Variants in SLC5A3 observed in about 807,000 individuals in gnomAD.
SLC5A3 encodes sodium/myo-inositol cotransporter.
In SLC5A3, 10 loss-of-function variants were observed where a neutral mutation model predicts 43.2. The observed-to-expected ratio is 0.23, with a 90% CI of 0.14 to 0.39. The LOEUF is 0.39. SLC5A3 is among the 10% of genes least tolerant of loss of function. SLC5A3 has a pLI of 1.00. For missense variants in SLC5A3, 608 were observed against 893.4 expected, an observed-to-expected ratio of 0.68 and a Z score of 4.07; for synonymous variants, 349 against 322.0, an observed-to-expected ratio of 1.08 and a Z score of -0.90.
chr21:34,073,770 G>C, intron 1 of SLC5A3, 25 bp downstream of exon 1: 3 of 1,473,560 alleles, frequency 2.0e-6, no homozygotes, highest in Non-Finnish European at 2.7e-6. Flanking sequence ...CTCAGAGCCG[G>C]TCTTCCCGCG....
Position 34,100,919 on chromosome 21 carries a change from G to A in SLC5A3, c.*3564G>A. The A allele has an allele frequency of 1.0e-6, 1 of 1,000,098 alleles. No homozygotes were observed. The highest frequency in any genetic ancestry group is 1.2e-6 in the Non-Finnish European group (1 of 829,926). 62.0% of individuals were successfully genotyped at this position (1,000,098 alleles called of 1,614,324 possible). A position where few individuals can be genotyped will look rare whatever the true frequency, so the allele number is the denominator to read the frequency against. On this transcript the variant is annotated 3_prime_UTR_variant, in exon 2 of 2. Transcript: ENST00000381151. ...CAAAGGTTAGGTCTTCCCTGTTCCT[G>A]CTTGGCAGTGTTAAAGCTTACAGGG...
At chr21:34,088,372 C>T (rs1192082090) in intron 1 of SLC5A3, among the ~76,000 whole-genome samples, 1 of 111,334 alleles carries the variant, frequency 9.0e-6, no homozygotes, top group Non-Finnish European at 1.8e-5. Context: ...CCCATCAGGG[C>T]TTTGCTGTAT....
chr21:34,100,121 T>C lies in SLC5A3; in HGVS notation c.*2766T>C, dbSNP rs1979166824. 1.0e-6 allele frequency: 1 copy of C among 999,308 alleles called. No individual in the cohort carries two copies. The highest frequency in any genetic ancestry group is 1.7e-5 in the African/African-American group (1 of 57,222). 61.9% of individuals were successfully genotyped at this position (999,308 alleles called of 1,614,324 possible). On this transcript the variant is annotated 3_prime_UTR_variant, in exon 2 of 2. Coordinates refer to ENST00000381151, the MANE Select transcript of SLC5A3 (RefSeq NM_006933.7). ...CAAGCTAAGGTTCAGAATTGAAGCT[T>C]GATATTGACTAGAATAGCTAAAAGT...
At chr21:34,075,567 G>GA (rs1486351201) in intron 1 of SLC5A3, among the ~76,000 whole-genome samples, 1 of 152,166 alleles carries the variant, frequency 6.6e-6, no homozygotes. Flanking sequence ...AAAAGCCCTA[G>GA]AAAGTAGATA....
Position 34,105,153 on chromosome 21 carries a change from T to C in SLC5A3, c.*7798T>C. Reference sequence around the variant, plus strand: ...ATGGTATGGAATTTGTTCCCTTGCTTTCCCCCACTGTTACTGCTTCAGTTT... The same window carrying C: ...ATGGTATGGAATTTGTTCCCTTGCTCTCCCCCACTGTTACTGCTTCAGTTT... On this transcript the variant is annotated 3_prime_UTR_variant, in exon 2 of 2. Coordinates refer to ENST00000381151, the MANE Select transcript of SLC5A3 (RefSeq NM_006933.7). 1 of 1,000,122 alleles carries C rather than the reference T, an allele frequency of 1.0e-6. No individual in the cohort carries two copies. The highest frequency in any genetic ancestry group is 4.7e-5 in the South Asian group (1 of 21,286). The allele number at this position is 1,000,122 out of a possible 1,614,324, so 62.0% of individuals were successfully genotyped here.
chr21:34,098,174 A>G lies in SLC5A3; in HGVS notation c.*819A>G. Reference sequence around the variant, plus strand: ...ATTAAGGTTGTTTATATAGTTTGGAAATGACCAGCCCCCTAAGCAGTGTTT... The same window carrying G: ...ATTAAGGTTGTTTATATAGTTTGGAGATGACCAGCCCCCTAAGCAGTGTTT... On this transcript the variant is annotated 3_prime_UTR_variant, in exon 2 of 2. Coordinates refer to ENST00000381151, the MANE Select transcript of SLC5A3 (RefSeq NM_006933.7). 1.1e-5 allele frequency: 11 copies of G among 1,000,024 alleles called. No homozygotes were observed. Among genetic ancestry groups the G allele is most frequent in the Non-Finnish European group, 1.3e-5 (11 of 829,860 alleles). The allele number at this position is 1,000,024 out of a possible 1,614,324, so 61.9% of individuals were successfully genotyped here.
Position 34,104,059 on chromosome 21 carries a change from G to T in SLC5A3, c.*6704G>T. Reference sequence around the variant, plus strand: ...ACATGCAGAAAGTCATACTTTAACAGGGCAAATACTACTTGTCTTTGATTT... The same window carrying T: ...ACATGCAGAAAGTCATACTTTAACATGGCAAATACTACTTGTCTTTGATTT... On this transcript the variant is annotated 3_prime_UTR_variant, in exon 2 of 2. Transcript: ENST00000381151. 1.0e-6 allele frequency: 1 copy of T among 1,000,080 alleles called. No individual in the cohort carries two copies. Among genetic ancestry groups the T allele is most frequent in the Non-Finnish European group, 1.2e-6 (1 of 829,916 alleles). 62.0% of individuals were successfully genotyped at this position (1,000,080 alleles called of 1,614,324 possible).
rs1978933623 is a variant in SLC5A3 at position 34,095,717 on chromosome 21, T to C, written c.519T>C (p.Thr173=). The C allele has an allele frequency of 1.9e-6, 3 of 1,613,998 alleles. No homozygotes were observed. The highest frequency in any genetic ancestry group is 2.5e-6 in the Non-Finnish European group (3 of 1,179,984). ...TCATTGGCATGACTGCTTTGCTGAC[T>C]GTCACCGGAGGCCTTGTTGCAGTGA... The part of the protein sequence containing the change: ...ILLIGMTALL[T]VTGGLVAVIY... Residue 173 remains threonine (T), a synonymous_variant, in exon 2 of 2, where the codon ACT becomes ACC. Coordinates refer to ENST00000381151, the MANE Select transcript of SLC5A3 (RefSeq NM_006933.7).
chr21:34,078,539 ATC>A (rs1262763428), intron 1 of SLC5A3, among the ~76,000 whole-genome samples: 1 of 152,164 alleles, frequency 6.6e-6, no homozygotes, highest in East Asian at 1.9e-4. Flanking sequence ...GATTTTAAAA[ATC>A]TAGGTTATAT....
rs1284783204 is a variant in SLC5A3 at position 34,104,123 on chromosome 21, T to G, written c.*6768T>G. On this transcript the variant is annotated 3_prime_UTR_variant, in exon 2 of 2. Coordinates refer to ENST00000381151, the MANE Select transcript of SLC5A3 (RefSeq NM_006933.7). ...TTGTATGTGAGAGATGAAGTTACCTTTATTTTTTTCCTATACTTGACTGTG... is the reference window on the plus strand; with the variant it reads ...TTGTATGTGAGAGATGAAGTTACCTGTATTTTTTTCCTATACTTGACTGTG... 32 of 999,798 alleles carry G rather than the reference T, an allele frequency of 3.2e-5. No individual in the cohort carries two copies. Among genetic ancestry groups the G allele is most frequent in the Non-Finnish European group, 3.9e-5 (32 of 829,888 alleles). The allele number at this position is 999,798 out of a possible 1,614,324, so 61.9% of individuals were successfully genotyped here.
intron 1 of SLC5A3, among the ~76,000 whole-genome samples, chr21:34,082,055 G>T (rs1006380859): frequency 1.3e-4 from 19 of 143,658 alleles, no homozygotes; most frequent in Admixed American, 5.6e-4. Flanking sequence ...AGGAAATCTG[G>T]TTTTTTTTTT....
chr21:34,095,058 A>G lies in SLC5A3; in HGVS notation c.-141A>G. 2.0e-6 allele frequency: 2 copies of G among 981,540 alleles called. No homozygotes were observed. Among genetic ancestry groups the G allele is most frequent in the Non-Finnish European group, 1.3e-6 (1 of 741,890 alleles). The allele number at this position is 981,540 out of a possible 1,614,324, so 60.8% of individuals were successfully genotyped here. On this transcript the variant is annotated 5_prime_UTR_variant, in exon 2 of 2. Coordinates refer to ENST00000381151, the MANE Select transcript of SLC5A3 (RefSeq NM_006933.7). ...CACCACCATCAAGACAGCAAACCAA[A>G]GGACAAAGACTTTGACCCTGCTGTG...
At chr21:34,091,813 C>CT (rs1978708833) in intron 1 of SLC5A3, among the ~76,000 whole-genome samples, 1 of 152,172 alleles carries the variant, frequency 6.6e-6, no homozygotes, top group African/African-American at 2.4e-5. Context: ...CACTAGGGGA[C>CT]TGTTTCTTTT....
At chr21:34,090,033 T>TGC (rs1468286814) in intron 1 of SLC5A3, among the ~76,000 whole-genome samples, 1 of 152,182 alleles carries the variant, frequency 6.6e-6, no homozygotes, top group Admixed American at 6.5e-5. Flanking sequence ...AAACCCAAAA[T>TGC]GCTCCAGTGA....
At chr21:34,093,543 T>G (rs1348533607) in intron 1 of SLC5A3, among the ~76,000 whole-genome samples, 2 of 152,086 alleles carry the variant, frequency 1.3e-5, no homozygotes, top group Admixed American at 6.5e-5. Flanking sequence ...AGAGGTAGCT[T>G]TAGTATAATT....
chr21:34,076,634 G>A (rs1179366984), intron 1 of SLC5A3, among the ~76,000 whole-genome samples: 2 of 152,288 alleles, frequency 1.3e-5, no homozygotes, highest in East Asian at 3.9e-4. Flanking sequence ...TTTTAAAAAA[G>A]TGTGTATATA....
Position 34,100,576 on chromosome 21 carries a change from AGG to A in SLC5A3, c.*3223_*3224del. 1 of 1,000,276 alleles carries A rather than the reference AGG, an allele frequency of 1.0e-6. No homozygotes were observed. The highest frequency in any genetic ancestry group is 1.2e-6 in the Non-Finnish European group (1 of 829,992). 62.0% of individuals were successfully genotyped at this position (1,000,276 alleles called of 1,614,324 possible). On this transcript the variant is annotated 3_prime_UTR_variant, in exon 2 of 2. Transcript: ENST00000381151. ...GTATTTTGGCACAAAGAGCCTGGCC[AGG>A]GTCATGTAGCCATAGCTCTTAGGGA...
In SLC5A3 at chr21:34,105,627, T is replaced by C; in HGVS notation, c.*8272T>C. The C allele has an allele frequency of 1.0e-6, 1 of 1,000,066 alleles. No homozygotes were observed. Among genetic ancestry groups the C allele is most frequent in the Non-Finnish European group, 1.2e-6 (1 of 829,800 alleles). 61.9% of individuals were successfully genotyped at this position (1,000,066 alleles called of 1,614,324 possible). ...TGTATATTGTGTACATGTGTCATTT[T>C]AGTTAGGCATTGTAGGCCAAATGTG... On this transcript the variant is annotated 3_prime_UTR_variant, in exon 2 of 2. Transcript: ENST00000381151.
chr21:34,096,314 T>C lies in SLC5A3; in HGVS notation c.1116T>C (p.Ile372=). ...GLRGLMMAVM[I]AALMSDLDSI... is the part of the protein sequence containing the mutation. ...GGGGTTTAATGATGGCAGTGATGAT[T>C]GCAGCTCTGATGAGTGACTTAGACT... Residue 372 remains isoleucine, a synonymous_variant, in exon 2 of 2, where the codon ATT becomes ATC. Coordinates refer to ENST00000381151, the MANE Select transcript of SLC5A3 (RefSeq NM_006933.7). This position sits in a 1 kb window ranked among gnomAD's most constrained non-coding sequence, Gnocchi z 5.9. 6.2e-7 allele frequency: 1 copy of C among 1,614,154 alleles called. No individual in the cohort carries two copies. Among genetic ancestry groups the C allele is most frequent in the Non-Finnish European group, 8.5e-7 (1 of 1,180,012 alleles).
Sources: allele counts gnomAD v4.1 joint callset (sites outside exome capture counted in the v4.1 genomes callset), GRCh38; gene constraint gnomAD v4.1.1; non-coding constraint Gnocchi (gnomAD v3.1); transcripts MANE v1.5; gene names NCBI Gene and HGNC (gene_info 2026-07-23, HGNC 2026-07-21).